ITPR1: variants seen among roughly 807,000 people sequenced by gnomAD.
The protein encoded by ITPR1 is inositol 1,4,5-trisphosphate receptor type 1.
In ITPR1, 96 loss-of-function variants were observed where a neutral mutation model predicts 318.4. The observed-to-expected ratio is 0.30, with a 90% CI of 0.26 to 0.36. ITPR1 has a LOEUF of 0.36. Among genes scored for constraint, ITPR1 ranks in the 10% least tolerant of loss-of-function variants. ITPR1 has a pLI of 1.00. For synonymous variants in ITPR1, 1,312 were observed against 1,289.9 expected, an observed-to-expected ratio of 1.02 and a Z score of -0.37; for missense variants, 2,440 against 3,460.2, an observed-to-expected ratio of 0.71 and a Z score of 7.40.
At chr3:4,670,590 T>C (rs1335375140) in intron 19 of ITPR1, 139 bp from the exon 20 acceptor site, 1 of 662,676 alleles carries the variant, frequency 1.5e-6, no homozygotes, top group Admixed American at 2.3e-5. Context: ...GATGTTAATG[T>C]CAGGCTCTCT....
intron 24 of ITPR1, among the ~76,000 whole-genome samples, chr3:4,678,260 C>G (rs1480825675): frequency 3.3e-5 from 5 of 151,960 alleles, no homozygotes; most frequent in African/African-American, 1.2e-4. Context: ...AGAAAGATTC[C>G]TTTTTTAAAA....
In ITPR1 at chr3:4,627,746, G is replaced by A; in HGVS notation, c.164-17G>A. The A allele has an allele frequency of 1.9e-6, 3 of 1,540,398 alleles. No homozygotes were observed. The highest frequency in any genetic ancestry group is 2.7e-6 in the Non-Finnish European group (3 of 1,114,954). ...ACACCCTCAATGGCAATTTCTGTTT[G>A]TTTGCTTCACTTCTAGACTGCCTCT... is the stretch of plus-strand genomic sequence containing the variant. On this transcript the variant is annotated splice_polypyrimidine_tract_variant and intron_variant, in intron 4 of 61. Coordinates refer to ENST00000649015, the MANE Select transcript of ITPR1 (RefSeq NM_001378452.1).
intron 10 of ITPR1, among the ~76,000 whole-genome samples, chr3:4,650,088 C>T (rs2093559100): frequency 6.6e-6 from 1 of 152,152 alleles, no homozygotes; most frequent in Non-Finnish European, 1.5e-5. Flanking sequence ...AGTAATATTC[C>T]ATTGTATGGA....
intron 4 of ITPR1, among the ~76,000 whole-genome samples, chr3:4,535,191 C>G (rs1459148721): frequency 1.3e-5 from 2 of 152,106 alleles, no homozygotes; most frequent in Non-Finnish European, 2.9e-5. Flanking sequence ...TTGCAAGCTA[C>G]AAGAACTTTA....
chr3:4,733,199 C>A lies in ITPR1; in HGVS notation c.5332C>A (p.Pro1778Thr), dbSNP rs775018692. The A allele has an allele frequency of 3.1e-6, 5 of 1,613,850 alleles. No individual in the cohort carries two copies. The African/African-American group carries it at 6.7e-5, about 22-fold the overall frequency. The change falls in exon 43 of 62, where the codon CCC (proline) becomes ACC (threonine). Residue 1778 changes from proline to threonine, a missense_variant. This residue lies in a region of ITPR1 where 166 missense variants were observed against 143.7 expected (regional missense o/e 1.16). Transcript: ENST00000649015. ...CAATGGCCCACTGTCAGCAGGAGGACCCGGCAAGCCCGGGGGAGGAGGTAC... is the reference window on the plus strand; with the variant it reads ...CAATGGCCCACTGTCAGCAGGAGGAACCGGCAAGCCCGGGGGAGGAGGTAC... ...FGNGPLSAGG[P>T]GKPGGGGGGS... is the part of the protein sequence containing the mutation.
chr3:4,769,314 C>T (rs1444494993), intron 46 of ITPR1, among the ~76,000 whole-genome samples: 1 of 152,132 alleles, frequency 6.6e-6, no homozygotes, highest in Non-Finnish European at 1.5e-5. Context: ...AGGTGCCTGC[C>T]CCATATATAT....
intron 57 of ITPR1, 26 bp downstream of exon 57, chr3:4,813,260 A>G (rs538786854): frequency 2.0e-6 from 3 of 1,521,488 alleles, no homozygotes; most frequent in African/African-American, 1.4e-5. Flanking sequence ...TGTAAGCCCC[A>G]TGTTAATATC....
At chr3:4,717,568 C>T (rs1338439669) in intron 40 of ITPR1, among the ~76,000 whole-genome samples, 169 bp downstream of exon 40, 5 of 152,102 alleles carry the variant, frequency 3.3e-5, no homozygotes, top group Non-Finnish European at 5.9e-5. Context: ...GTTAGCATTT[C>T]CCATGAGTTT....
intron 46 of ITPR1, 43 bp downstream of exon 46, chr3:4,768,807 G>A (rs753027495): frequency 5.7e-6 from 9 of 1,572,800 alleles, no homozygotes; most frequent in Non-Finnish European, 7.8e-6. Flanking sequence ...CTCGGGAAAG[G>A]CTGCCAAGGC....
At chr3:4,824,164 G>A (rs771984217) in intron 60 of ITPR1, among the ~76,000 whole-genome samples, 1 of 152,156 alleles carries the variant, frequency 6.6e-6, no homozygotes, top group Non-Finnish European at 1.5e-5. Flanking sequence ...AGAGTGTTCT[G>A]GAATGCACCA....
At chr3:4,832,525 G>C (rs992372693) in intron 60 of ITPR1, among the ~76,000 whole-genome samples, 1 of 152,170 alleles carries the variant, frequency 6.6e-6, no homozygotes, top group Non-Finnish European at 1.5e-5. Context: ...CAGCTACTTA[G>C]GAAGCTGAGG....
At chr3:4,733,479 G>A (rs1055703167) in intron 43 of ITPR1, among the ~76,000 whole-genome samples, 5 of 152,014 alleles carry the variant, frequency 3.3e-5, no homozygotes, top group Non-Finnish European at 5.9e-5. Flanking sequence ...TCTTGGTGAT[G>A]GTTGAATGAT....
chr3:4,643,852 T>C (rs967760188), intron 7 of ITPR1, among the ~76,000 whole-genome samples: 11 of 151,886 alleles, frequency 7.2e-5, no homozygotes, highest in African/African-American at 2.4e-4. Context: ...TACCTTAAAC[T>C]GAACAGTTTT....
At chr3:4,630,160 T>C (rs2092969062) in intron 5 of ITPR1, among the ~76,000 whole-genome samples, 1 of 152,200 alleles carries the variant, frequency 6.6e-6, no homozygotes, top group African/African-American at 2.4e-5. Flanking sequence ...TGCTCAGGGA[T>C]GACTGCTCTG....
intron 53 of ITPR1, chr3:4,800,135 G>A: frequency 2.4e-6 from 1 of 417,014 alleles, no homozygotes; most frequent in East Asian, 5.2e-5. Flanking sequence ...ATGTTTTTGT[G>A]GGGAGGAAGG....
chr3:4,805,104 T>TAA (rs2048475641), intron 54 of ITPR1, among the ~76,000 whole-genome samples: 1 of 152,198 alleles, frequency 6.6e-6, no homozygotes. Flanking sequence ...TCAGAAAACC[T>TAA]AATCCATGCT....
chr3:4,734,404 C>T (rs1197594981), intron 43 of ITPR1, among the ~76,000 whole-genome samples: 2 of 152,142 alleles, frequency 1.3e-5, no homozygotes, highest in East Asian at 3.8e-4. Flanking sequence ...AAGGACAAGT[C>T]AAGGACAAGC....
intron 54 of ITPR1, 59 bp downstream of exon 54, chr3:4,800,659 C>A: frequency 6.5e-7 from 1 of 1,530,832 alleles, no homozygotes; most frequent in Non-Finnish European, 9.0e-7. Context: ...GAATGCCTTG[C>A]ACTCTGGTTT....
rs748689308 is a variant in ITPR1, at chr3:4,717,349, C to A, written c.5104-18C>A. Reference sequence around the variant, plus strand: ...CCTAACATTTCCTTCTCTCTCTCTCCCCTTTTTTCTTTTCCAGCTAATTTC... The same window carrying A: ...CCTAACATTTCCTTCTCTCTCTCTCACCTTTTTTCTTTTCCAGCTAATTTC... On this transcript the variant is annotated intron_variant, in intron 39 of 61. Coordinates refer to ENST00000649015, the MANE Select transcript of ITPR1 (RefSeq NM_001378452.1). The A allele has an allele frequency of 5.1e-6, 8 of 1,582,126 alleles. No individual in the cohort carries two copies. Among genetic ancestry groups the A allele is most frequent in the Non-Finnish European group, 6.9e-6 (8 of 1,164,394 alleles).
Sources: gnomAD v4.1 joint callset for allele counts (sites outside exome capture counted in the v4.1 genomes callset) on GRCh38, gnomAD v4.1.1 for gene constraint, gnomAD v4.1.1 regional missense constraint, MANE v1.5 for transcripts, NCBI Gene and HGNC (gene_info 2026-07-23, HGNC 2026-07-21) for gene names.